The following MAPK10 variants were observed in gnomAD, a reference collection of about 807,000 sequenced individuals.
MAPK10 encodes mitogen-activated protein kinase 10.
In MAPK10, 25 loss-of-function variants were observed where a neutral mutation model predicts 59.3. That is an observed-to-expected ratio of 0.42 (90% CI 0.31 to 0.59). The LOEUF is 0.59. Ranked by LOEUF, MAPK10 falls within the 20% of genes least tolerant of loss-of-function variation. MAPK10 has a pLI of 0.15. For missense variants in MAPK10, 351 were observed against 568.9 expected (o/e 0.62, Z 3.90); for synonymous variants, 190 against 200.5 (o/e 0.95, Z 0.44).
chr4:86,059,289 A>C (rs1282087254), intron 11 of MAPK10, among the ~76,000 whole-genome samples: 4 of 152,192 alleles, frequency 2.6e-5, no homozygotes, highest in Non-Finnish European at 4.4e-5. Context: ...AAAATAGCTT[A>C]ATATAGCCAG....
intron 2 of MAPK10, among the ~76,000 whole-genome samples, chr4:86,235,666 G>A (rs1312383007): frequency 2.6e-5 from 4 of 152,068 alleles, no homozygotes; most frequent in Non-Finnish European, 5.9e-5. Context: ...TAAAATCTAA[G>A]CCCTCAAGCA....
At chr4:86,472,331 T>A (rs1345861512) in intron 1 of MAPK10, among the ~76,000 whole-genome samples, 2 of 152,208 alleles carry the variant, frequency 1.3e-5, no homozygotes, top group Non-Finnish European at 2.9e-5. Flanking sequence ...GATCTTCAAA[T>A]ACCGATGTGA....
chr4:86,496,293 G>C (rs1754869097), intron 1 of MAPK10, among the ~76,000 whole-genome samples: 1 of 152,172 alleles, frequency 6.6e-6, no homozygotes, highest in African/African-American at 2.4e-5. Flanking sequence ...GCTACCACTA[G>C]AGGGAGGCCA....
At chr4:86,405,655 C>T (rs989488720) in intron 1 of MAPK10, among the ~76,000 whole-genome samples, 1 of 152,164 alleles carries the variant, frequency 6.6e-6, no homozygotes, top group African/African-American at 2.4e-5. Flanking sequence ...TTTAGAGCCA[C>T]AGAATATGTG....
intron 4 of MAPK10, among the ~76,000 whole-genome samples, chr4:86,149,751 T>C (rs2149204831): frequency 6.6e-6 from 1 of 152,352 alleles, no homozygotes; most frequent in South Asian, 2.1e-4. Flanking sequence ...ACAGCAATTC[T>C]GTGCATACAT....
At chr4:86,108,849 C>A (rs530263538) in intron 4 of MAPK10, among the ~76,000 whole-genome samples, 1 of 152,142 alleles carries the variant, frequency 6.6e-6, no homozygotes, top group Non-Finnish European at 1.5e-5. Context: ...GCACACAATG[C>A]GTGGCCTAGA....
chr4:86,327,814 G>A (rs1038677169), intron 2 of MAPK10: 34 of 142,464 alleles, frequency 2.4e-4, no homozygotes, highest in African/African-American at 6.3e-4. Flanking sequence ...GCTGGGCATG[G>A]TGGTGGGCAC....
chr4:86,326,680 T>A (rs562777305), intron 2 of MAPK10: 1 of 152,340 alleles, frequency 6.6e-6, no homozygotes, highest in East Asian at 1.9e-4. Context: ...TCCATATCTC[T>A]TTTCACTGTT....
chr4:86,428,140 C>CTT (rs201894847), intron 1 of MAPK10, among the ~76,000 whole-genome samples: 43 of 142,784 alleles, frequency 3.0e-4, no homozygotes, highest in African/African-American at 6.1e-4. Context: ...TTCAAAGTTA[C>CTT]TTTTTTTTTT....
rs146822460 is a variant in MAPK10 at position 86,102,029 on chromosome 4, G to A, written c.429C>T (p.Tyr143=). ...TGGCATCCATCAGTTCCATTACTAA[G>A]TAACTAGAAGGGTGAATCCACAGTG... ...QKTLEEFQDV[Y]LVMELMDANL... is the part of the protein sequence containing the mutation. Residue 143 remains tyrosine (Y), a synonymous_variant, in exon 7 of 14, where the codon TAC becomes TAT. Coordinates refer to ENST00000641462, the MANE Select transcript of MAPK10 (RefSeq NM_138982.4). The A allele has an allele frequency of 2.5e-6, 4 of 1,613,714 alleles. No homozygotes were observed. Among genetic ancestry groups the A allele is most frequent in the Non-Finnish European group, 3.4e-6 (4 of 1,179,686 alleles).
At chr4:86,392,047 G>A (rs1045869834) in intron 1 of MAPK10, among the ~76,000 whole-genome samples, 2 of 152,206 alleles carry the variant, frequency 1.3e-5, no homozygotes, top group Non-Finnish European at 2.9e-5. Flanking sequence ...CAGGCTGGAA[G>A]TGGAGTATCT....
At chr4:86,451,271 C>A (rs180844831) in intron 1 of MAPK10, among the ~76,000 whole-genome samples, 3 of 152,108 alleles carry the variant, frequency 2.0e-5, no homozygotes, top group Non-Finnish European at 4.4e-5. Flanking sequence ...TATCCCCAAA[C>A]CTTCCAGAAA....
chr4:86,033,769 T>C (rs2039602404), intron 11 of MAPK10, among the ~76,000 whole-genome samples: 1 of 152,192 alleles, frequency 6.6e-6, no homozygotes, highest in African/African-American at 2.4e-5. Flanking sequence ...TTTTGATTGT[T>C]TGTTTTTTGA....
chr4:86,336,310 T>C (rs1721339528), intron 2 of MAPK10: 1 of 152,190 alleles, frequency 6.6e-6, no homozygotes, highest in East Asian at 1.9e-4. Flanking sequence ...CTCCAGAACT[T>C]GGTCTTAGCT....
rs778681066 is a variant in MAPK10 at position 86,107,274 on chromosome 4, G to A, written c.315C>T (p.Ala105=). 12 of 1,613,214 alleles carry A rather than the reference G, an allele frequency of 7.4e-6. No homozygotes were observed. The highest frequency in any genetic ancestry group is 4.0e-5 in the African/African-American group (3 of 74,824). ...LSRPFQNQTH[A]KRAYRELVLM... ...GGACCAGCTCCCGGTACGCTCTCTTGGCATGTGTTTGGTTCTGAAAGGGTC... is the reference window on the plus strand; with the variant it reads ...GGACCAGCTCCCGGTACGCTCTCTTAGCATGTGTTTGGTTCTGAAAGGGTC... The change falls in exon 5 of 14, where the codon GCC becomes GCT. Residue 105 remains alanine, a synonymous_variant. Transcript: ENST00000641462.
At chr4:86,028,804 G>T (rs967227243) in intron 13 of MAPK10, 7 of 267,466 alleles carry the variant, frequency 2.6e-5, no homozygotes, top group South Asian at 2.0e-4. Context: ...CTTGAGAAGA[G>T]TTCAAACACT....
At chr4:86,289,541 T>C (rs2095150185) in intron 2 of MAPK10, among the ~76,000 whole-genome samples, 1 of 151,062 alleles carries the variant, frequency 6.6e-6, no homozygotes, top group Non-Finnish European at 1.5e-5. Flanking sequence ...TGTTAATATA[T>C]GATAAATTAT....
At chr4:86,150,907 A>G (rs950747150) in intron 4 of MAPK10, among the ~76,000 whole-genome samples, 1 of 152,170 alleles carries the variant, frequency 6.6e-6, no homozygotes, top group African/African-American at 2.4e-5. Context: ...CTAAAAAGGT[A>G]TGTGGAGGCA....
chr4:86,255,137 C>G (rs550176039), intron 2 of MAPK10, among the ~76,000 whole-genome samples: 2 of 151,682 alleles, frequency 1.3e-5, no homozygotes, highest in Non-Finnish European at 2.9e-5. Context: ...GTGGTAGGAT[C>G]GAGGGTATGG....
Sources: allele counts gnomAD v4.1 joint callset (sites outside exome capture counted in the v4.1 genomes callset), GRCh38; gene constraint gnomAD v4.1.1; transcripts MANE v1.5; gene names NCBI Gene and HGNC (gene_info 2026-07-23, HGNC 2026-07-21).